FLACC1: variants seen among roughly 807,000 people sequenced by gnomAD.
FLACC1 encodes flagellum associated containing coiled-coil domains 1.
FLACC1 carries 66 observed loss-of-function variants against 62.8 expected under a neutral mutation model. That is an observed-to-expected ratio of 1.05 (90% CI 0.86 to 1.29). The LOEUF is 1.29. FLACC1 is among the 50% of genes most tolerant of loss of function. FLACC1 has a pLI of 0.00. For synonymous variants in FLACC1, 156 were observed against 161.0 expected (o/e 0.97, Z 0.24); for missense variants, 452 against 489.1 (o/e 0.92, Z 0.71).
chr2:201,318,153 A>T (rs1007465000), intron 9 of FLACC1, among the ~76,000 whole-genome samples: 1 of 152,234 alleles, frequency 6.6e-6, no homozygotes, highest in African/African-American at 2.4e-5. Context: ...CTAGAAGATA[A>T]CATCAGAAAA....
intron 11 of FLACC1, among the ~76,000 whole-genome samples, chr2:201,305,635 G>A (rs551553175): frequency 2.0e-4 from 31 of 152,200 alleles, no homozygotes; most frequent in East Asian, 3.9e-4. Context: ...ACATGCACAC[G>A]TATGTTTATT....
chr2:201,335,137 C>T (rs1423262489), intron 7 of FLACC1, among the ~76,000 whole-genome samples: 5 of 151,278 alleles, frequency 3.3e-5, no homozygotes, highest in Admixed American at 1.3e-4. Flanking sequence ...TGTAATGTCT[C>T]CTCTTTCATT....
chr2:201,293,707 C>T (rs1382107624), intron 12 of FLACC1, among the ~76,000 whole-genome samples: 2 of 151,840 alleles, frequency 1.3e-5, no homozygotes, highest in African/African-American at 2.4e-5. Context: ...CACAAAAAAC[C>T]CTTCAAAAAA....
chr2:201,333,622 T>C (rs1434140742), intron 7 of FLACC1, among the ~76,000 whole-genome samples: 2 of 146,692 alleles, frequency 1.4e-5, no homozygotes, highest in African/African-American at 2.5e-5. Flanking sequence ...TTCTCGTTGT[T>C]CAATTCCCAC....
chr2:201,301,084 C>T (rs565397706), intron 11 of FLACC1, among the ~76,000 whole-genome samples: 106 of 152,208 alleles, frequency 7.0e-4, no homozygotes, highest in African/African-American at 2.2e-3. Context: ...AATGAATTGA[C>T]GAGTTGAGAG....
At position 201,309,218 on chromosome 2, in the gene FLACC1, C is replaced by G; in HGVS notation, c.708G>C (p.Trp236Cys). 6.2e-7 allele frequency: 1 copy of G among 1,614,040 alleles called. No homozygotes were observed. Among genetic ancestry groups the G allele is most frequent in the Non-Finnish European group, 8.5e-7 (1 of 1,179,902 alleles). Residue 236 changes from tryptophan to cysteine, a missense_variant, in exon 10 of 15, where the codon TGG (tryptophan) becomes TGC (cysteine). Around this residue, in one of 3 missense-constraint regions of FLACC1, gnomAD observed 301 missense variants for 318.4 expected, o/e 0.95. Transcript: ENST00000392257. ...TCTTCCATTTCGCCTTCTGTTTTGA[C>G]CACTTCTCTTCCATTTCATCATAAA... The part of the protein sequence containing the change: ...DSIYDEMEEK[W>C]SKQKAKWKKD...
At chr2:201,362,709 A>T in the FLACC1 span, among the ~76,000 whole-genome samples, 1 of 152,214 alleles carries the variant, frequency 6.6e-6, no homozygotes. Flanking sequence ...GACATAGAGA[A>T]AAGCTGCAAA....
Position 201,307,025 on chromosome 2 carries a change from A to C in FLACC1, c.879+494T>G, listed in dbSNP as rs543127223. Among the ~76,000 whole-genome samples, 3 of 152,328 alleles carry C rather than the reference A, an allele frequency of 2.0e-5. No homozygotes were observed. The East Asian group carries it at 5.8e-4, about 29-fold the overall frequency. ...AATGGCCAAAATTAAAGGACTAGCA[A>C]AACTAATTGTTGTGGAGGATATACA... On this transcript the variant is annotated intron_variant, in intron 11 of 14. Transcript: ENST00000392257.
chr2:201,293,349 G>A (rs1559383584), intron 12 of FLACC1, among the ~76,000 whole-genome samples: 1 of 152,170 alleles, frequency 6.6e-6, no homozygotes, highest in Non-Finnish European at 1.5e-5. Flanking sequence ...AATCAAACTA[G>A]AACTCAAGAT....
At chr2:201,329,487 T>C (rs1950552530) in intron 9 of FLACC1, among the ~76,000 whole-genome samples, 1 of 152,226 alleles carries the variant, frequency 6.6e-6, no homozygotes, top group South Asian at 2.1e-4. Context: ...AAAAGACACC[T>C]TCTCTTGTAT....
At chr2:201,298,855 A>G (rs1024714241) in intron 12 of FLACC1, among the ~76,000 whole-genome samples, 1 of 152,198 alleles carries the variant, frequency 6.6e-6, no homozygotes, top group Admixed American at 6.5e-5. Context: ...TCAGAGCTTA[A>G]GGAGGGGCTT....
At chr2:201,360,498 C>T (rs10169362), upstream of FLACC1, among the ~76,000 whole-genome samples, 4,292 of 152,296 alleles carry the variant, frequency 0.028, 208 homozygotes, top group African/African-American at 0.097. Context: ...AGAACACTCC[C>T]AGTGTGGAAA....
In FLACC1 at chr2:201,309,175, G is replaced by A. The variant is rs766696409; in HGVS notation, c.751C>T (p.Arg251Ter). The change falls in exon 10 of 15, where the codon CGA becomes TGA. Residue 251 changes from arginine to a stop codon, truncating the protein, a stop_gained. Transcript: ENST00000392257. LOFTEE classifies it high-confidence loss of function. ...CTTTGCTGTAGCAGGATATTTTCTC[G>A]CTCGAACTTCTCATCCTTCTTCCAT... ...AKWKKDEKFERENILLQQKKK... is the reference protein window; with the variant it reads ...AKWKKDEKFE 18 of 1,613,584 alleles carry A rather than the reference G, an allele frequency of 1.1e-5. No individual in the cohort carries two copies. Among genetic ancestry groups the A allele is most frequent in the South Asian group, 3.3e-5 (3 of 91,066 alleles).
In FLACC1 at chr2:201,331,561, G is replaced by A. The variant is rs139531229; in HGVS notation, c.525-728C>T. ...GAGCTATCAAGCATGAAAAGACATG[G>A]AGGAACCTTTAAAGCATATTACTAA... On this transcript the variant is annotated intron_variant, in intron 7 of 14. Transcript: ENST00000392257. 2.6e-3 allele frequency among the ~76,000 whole-genome samples: 397 copies of A among 152,264 alleles called. 4 individuals are homozygous for A. Among genetic ancestry groups the A allele is most frequent in the African/African-American group, 9.1e-3 (380 of 41,536 alleles).
intron 8 of FLACC1, 87 bp from the exon 9 acceptor site, chr2:201,330,609 C>A (rs879092720): frequency 6.5e-7 from 1 of 1,529,130 alleles, no homozygotes; most frequent in Admixed American, 1.7e-5. Context: ...TGCACACCTT[C>A]CCCACCCCAA....
In FLACC1 at chr2:201,344,283, T is replaced by C; in HGVS notation, c.369-20A>G. ...TTGGTCCTGTAGGAGAAGTAATTCT[T>C]CTATCATCCACAAAGCTTACCATTC... On this transcript the variant is annotated intron_variant, in intron 5 of 14. Transcript: ENST00000392257. The C allele has an allele frequency of 6.4e-7, 1 of 1,564,644 alleles. No individual in the cohort carries two copies. Among genetic ancestry groups the C allele is most frequent in the Non-Finnish European group, 8.8e-7 (1 of 1,135,124 alleles).
intron 9 of FLACC1, among the ~76,000 whole-genome samples, chr2:201,322,791 C>T (rs1950429789): frequency 6.6e-6 from 1 of 152,018 alleles, no homozygotes; most frequent in Non-Finnish European, 1.5e-5. Context: ...AATTATTAAG[C>T]TACTCAAGGA....
intron 5 of FLACC1, among the ~76,000 whole-genome samples, chr2:201,345,618 T>C (rs1382092399): frequency 2.0e-5 from 3 of 152,152 alleles, no homozygotes; most frequent in Admixed American, 6.6e-5. Context: ...GTAAGATGCC[T>C]GAACATGGGC....
intron 1 of FLACC1, among the ~76,000 whole-genome samples, chr2:201,353,114 G>GC (rs1166472626): frequency 5.3e-5 from 8 of 152,172 alleles, no homozygotes; most frequent in Admixed American, 4.6e-4. Context: ...CAGAACCAGA[G>GC]CATTTGGGAG....
Sources: gnomAD v4.1 joint callset for allele counts (sites outside exome capture counted in the v4.1 genomes callset) on GRCh38, gnomAD v4.1.1 for gene constraint, gnomAD v4.1.1 regional missense constraint, MANE v1.5 for transcripts, NCBI Gene and HGNC (gene_info 2026-07-23, HGNC 2026-07-21) for gene names.